The following GNA12 variants were observed in gnomAD, a reference collection of about 807,000 sequenced individuals.
The protein encoded by GNA12 is guanine nucleotide-binding protein subunit alpha-12.
A neutral mutation model predicts 26.0 loss-of-function variants in GNA12; 9 were observed. The observed-to-expected ratio is 0.35, with a 90% CI of 0.21 to 0.60. The LOEUF (loss-of-function observed/expected upper bound fraction) is 0.60. Among genes scored for constraint, GNA12 ranks in the 20% least tolerant of loss-of-function variants. GNA12 has a pLI of 0.78. For synonymous variants in GNA12, 264 were observed against 219.6 expected, an observed-to-expected ratio of 1.20 and a Z score of -1.79; for missense variants, 405 against 525.8, an observed-to-expected ratio of 0.77 and a Z score of 2.25.
chr7:2,820,423 C>G (rs1402267927), intron 1 of GNA12, among the ~76,000 whole-genome samples: 10 of 90,300 alleles, frequency 1.1e-4, no homozygotes, highest in Non-Finnish European at 4.4e-5. Flanking sequence ...TTTTTTTAAG[C>G]TGAGGCCAGG....
intron 2 of GNA12, among the ~76,000 whole-genome samples, chr7:2,742,650 C>T (rs910501667): frequency 3.3e-5 from 5 of 152,222 alleles, no homozygotes; most frequent in African/African-American, 1.2e-4. Flanking sequence ...TGTCTACCCT[C>T]CCTGTCCCCG....
At chr7:2,786,025 C>A (rs537895614) in intron 2 of GNA12, among the ~76,000 whole-genome samples, 1 of 152,332 alleles carries the variant, frequency 6.6e-6, no homozygotes, top group African/African-American at 2.4e-5. Flanking sequence ...TGAGATCGCA[C>A]CACTGCACTC....
chr7:2,783,648 A>ACATT (rs1244844822), intron 2 of GNA12, among the ~76,000 whole-genome samples: 14 of 115,074 alleles, frequency 1.2e-4, no homozygotes, highest in African/African-American at 4.4e-4. Context: ...AGGCTGTAAC[A>ACATT]CATTTATTTA....
At chr7:2,745,107 C>G (rs963377278) in intron 2 of GNA12, among the ~76,000 whole-genome samples, 1 of 152,170 alleles carries the variant, frequency 6.6e-6, no homozygotes, top group Non-Finnish European at 1.5e-5. Flanking sequence ...AGGATATTAT[C>G]CAGGAAAACT....
chr7:2,844,016 CG>C lies in GNA12; in HGVS notation c.145del (p.Arg49AlafsTer10). 1.3e-6 allele frequency: 2 copies of C among 1,514,616 alleles called. No homozygotes were observed. Among genetic ancestry groups the C allele is most frequent in the Admixed American group, 2.0e-5 (1 of 49,704 alleles). 93.8% of individuals were successfully genotyped at this position (1,514,616 alleles called of 1,614,324 possible). On this transcript the variant is annotated frameshift_variant, in exon 1 of 4. Transcript: ENST00000275364. LOFTEE classifies it high-confidence loss of function. ...RSRDIDALLA[R>X]ERRAVRRLVK... Reference sequence around the variant, plus strand: ...CAGGCGCCGGACCGCGCGCCGCTCGCGGGCCAGCAGCGCGTCGATGTCGCGG... The same window carrying C: ...CAGGCGCCGGACCGCGCGCCGCTCGCGGCCAGCAGCGCGTCGATGTCGCGG...
At chr7:2,842,135 A>T (rs1244548268) in intron 1 of GNA12, among the ~76,000 whole-genome samples, 2 of 144,626 alleles carry the variant, frequency 1.4e-5, no homozygotes, top group African/African-American at 5.5e-5. Context: ...AAAGAAAGGA[A>T]GGAAAGAAAA....
intron 1 of GNA12, among the ~76,000 whole-genome samples, chr7:2,812,313 G>C (rs1359665070): frequency 6.6e-6 from 1 of 152,216 alleles, no homozygotes; most frequent in African/African-American, 2.4e-5. Flanking sequence ...AGAGTCCTTA[G>C]GCCTTGGTGC....
At chr7:2,757,296 G>A (rs935961490) in intron 2 of GNA12, among the ~76,000 whole-genome samples, 7 of 151,692 alleles carry the variant, frequency 4.6e-5, no homozygotes, top group East Asian at 1.9e-4. Flanking sequence ...CACCATGCCC[G>A]GCTAATTTTT....
intron 1 of GNA12, among the ~76,000 whole-genome samples, chr7:2,803,406 G>C (rs1792864478): frequency 6.6e-6 from 1 of 152,216 alleles, no homozygotes; most frequent in African/African-American, 2.4e-5. Context: ...GGGACAGGAG[G>C]CAGGGAAGGA....
intron 2 of GNA12, among the ~76,000 whole-genome samples, chr7:2,757,663 A>G (rs1791367866): frequency 6.6e-6 from 1 of 152,188 alleles, no homozygotes; most frequent in Non-Finnish European, 1.5e-5. Context: ...TGCCGTTTTA[A>G]GTTGCTAATT....
chr7:2,824,470 A>C (rs963416795), intron 1 of GNA12, among the ~76,000 whole-genome samples: 1 of 152,094 alleles, frequency 6.6e-6, no homozygotes, highest in African/African-American at 2.4e-5. Context: ...CACCCCTGAC[A>C]TGGACACGCT....
chr7:2,811,165 C>T lies in GNA12; in HGVS notation c.310-16022G>A, dbSNP rs370575926. ...TGGCCCAGAGCCCCCAGGCTGTGCA[C>T]ACGTGGGCTCCAGGCGAACCATTTC... is the stretch of plus-strand genomic sequence containing the variant. On this transcript the variant is annotated intron_variant, in intron 1 of 3. Coordinates refer to ENST00000275364, the MANE Select transcript of GNA12 (RefSeq NM_007353.3). Among the ~76,000 whole-genome samples the T allele has an allele frequency of 2.6e-5, 4 of 152,212 alleles. No homozygotes were observed. The East Asian group carries it at 7.7e-4, about 29-fold the overall frequency.
chr7:2,748,519 T>C (rs1408541964), intron 2 of GNA12, among the ~76,000 whole-genome samples: 24 of 152,156 alleles, frequency 1.6e-4, no homozygotes, highest in Non-Finnish European at 8.8e-5. Context: ...TCAAGATGGA[T>C]TAAAGACTTA....
intron 2 of GNA12, among the ~76,000 whole-genome samples, chr7:2,759,724 C>T (rs1791469213): frequency 6.6e-6 from 1 of 152,162 alleles, no homozygotes; most frequent in South Asian, 2.1e-4. Flanking sequence ...GAGATGTATA[C>T]ACTTCAGAAT....
At chr7:2,733,576 A>G in intron 2 of GNA12, 75 bp from the exon 3 acceptor site, 1 of 1,179,494 alleles carries the variant, frequency 8.5e-7, no homozygotes. Context: ...AGAACTGAAC[A>G]GGGTAAGAGC....
chr7:2,795,982 G>T (rs190939094), intron 1 of GNA12, among the ~76,000 whole-genome samples: 2 of 151,798 alleles, frequency 1.3e-5, no homozygotes, highest in Non-Finnish European at 2.9e-5. Context: ...CACCAGGCCC[G>T]GCTAATTTTT....
chr7:2,785,490 T>C (rs1792335405), intron 2 of GNA12, among the ~76,000 whole-genome samples: 1 of 152,232 alleles, frequency 6.6e-6, no homozygotes, highest in Non-Finnish European at 1.5e-5. Flanking sequence ...CACACATATA[T>C]ACAGTACCAA....
intron 2 of GNA12, among the ~76,000 whole-genome samples, chr7:2,753,717 G>A (rs779649174): frequency 1.3e-5 from 2 of 152,084 alleles, no homozygotes; most frequent in African/African-American, 2.4e-5. Flanking sequence ...TGTGACTGCC[G>A]GGCTGTATAA....
intron 1 of GNA12, among the ~76,000 whole-genome samples, 167 bp downstream of exon 1, chr7:2,843,686 A>AG (rs1779072864): frequency 7.4e-6 from 1 of 134,524 alleles, no homozygotes; most frequent in Admixed American, 7.5e-5. Context: ...CGACGCCAGC[A>AG]GGCCTCGGGG....
Sources: allele counts gnomAD v4.1 joint callset (sites outside exome capture counted in the v4.1 genomes callset), GRCh38; gene constraint gnomAD v4.1.1; transcripts MANE v1.5; gene names NCBI Gene and HGNC (gene_info 2026-07-23, HGNC 2026-07-21).